The following VPS13C variants were observed in gnomAD, a reference collection of about 807,000 sequenced individuals.
VPS13C encodes the protein intermembrane lipid transfer protein VPS13C.
VPS13C carries 358 observed loss-of-function variants against 456.8 expected under a neutral mutation model. The ratio of observed to expected loss-of-function variants is 0.78; its 90% CI spans 0.72 to 0.86. The LOEUF (loss-of-function observed/expected upper bound fraction) is 0.86. Ranked by LOEUF, VPS13C falls within the 40% of genes least tolerant of loss-of-function variation. The probability of loss-of-function intolerance (pLI) is 0.00; values close to 1 mark genes in which losing one functional copy is unlikely to be tolerated. For synonymous variants in VPS13C, 1,578 were observed against 1,486.7 expected, an observed-to-expected ratio of 1.06 and a Z score of -1.41; for missense variants, 4,818 against 4,385.4, an observed-to-expected ratio of 1.10 and a Z score of -2.79.
At chr15:61,962,341 G>T (rs1292005413) in intron 34 of VPS13C, 30 bp downstream of exon 34, 1 of 1,538,672 alleles carries the variant, frequency 6.5e-7, no homozygotes, top group Non-Finnish European at 8.8e-7. Context: ...TTTCAAAGTT[G>T]AAAAATCAAT....
intron 9 of VPS13C, among the ~76,000 whole-genome samples, chr15:62,019,356 C>T (rs763368414): frequency 1.2e-4 from 18 of 151,948 alleles, no homozygotes; most frequent in African/African-American, 2.7e-4. Flanking sequence ...GCTCTTGCTG[C>T]TCTAGTTCTT....
intron 6 of VPS13C, among the ~76,000 whole-genome samples, chr15:62,024,869 G>A (rs1159860955): frequency 2.6e-5 from 4 of 151,820 alleles, no homozygotes; most frequent in African/African-American, 4.8e-5. Context: ...ATGTCATTCC[G>A]TGAACTTCCG....
At chr15:62,041,625 C>CGG (rs759160866) in intron 2 of VPS13C, among the ~76,000 whole-genome samples, 13 of 152,134 alleles carry the variant, frequency 8.5e-5, no homozygotes, top group Non-Finnish European at 1.5e-4. Context: ...CGAGACCAGC[C>CGG]TGGTCAACAT....
Position 62,012,098 on chromosome 15 carries a change from A to G in VPS13C, c.883+9T>C, listed in dbSNP as rs1275189328. Reference sequence around the variant, plus strand: ...CTATAACATGAAATAAACTTTTACTATTACTTACTGTATTGATAATTTGGG... The same window carrying G: ...CTATAACATGAAATAAACTTTTACTGTTACTTACTGTATTGATAATTTGGG... On this transcript the variant is annotated intron_variant, in intron 12 of 84. Coordinates refer to ENST00000644861, the MANE Select transcript of VPS13C (RefSeq NM_020821.3). 1 of 1,448,476 alleles carries G rather than the reference A, an allele frequency of 6.9e-7. No individual in the cohort carries two copies. 89.7% of individuals were successfully genotyped at this position (1,448,476 alleles called of 1,614,324 possible).
At chr15:62,010,732 C>CA in intron 12 of VPS13C, 133 bp from the exon 13 acceptor site, 1 of 959,858 alleles carries the variant, frequency 1.0e-6, no homozygotes, top group Non-Finnish European at 1.4e-6. Flanking sequence ...AAATCACTAC[C>CA]AAAAAATATT....
chr15:61,981,343 T>C lies in VPS13C; in HGVS notation c.2165A>G (p.Gln722Arg). The C allele has an allele frequency of 1.9e-6, 3 of 1,607,506 alleles. No individual in the cohort carries two copies. The highest frequency in any genetic ancestry group is 8.5e-7 in the Non-Finnish European group (1 of 1,177,906). ...ACAAAAAAACGCATATATACCTACC[T>C]GAAATGTACCAAAATCTAAAATCAG... ...DLLILDFGTFQLNSKDQGLQK... is the reference protein window; with the variant it reads ...DLLILDFGTFRLNSKDQGLQK... Residue 722 changes from glutamine (Q) to arginine (R), a missense_variant and splice_region_variant, in exon 22 of 85, where the codon CAG becomes CGG. By Grantham distance (43) the Gln-to-Arg change is conservative. Transcript: ENST00000644861.
In VPS13C at chr15:61,901,448, A is replaced by G. The variant is rs1285587756; in HGVS notation, c.9105+5816T>C. 3.9e-4 allele frequency among the ~76,000 whole-genome samples: 59 copies of G among 152,116 alleles called. 1 individual carries two copies. The highest frequency in any genetic ancestry group is 9.6e-4 in the East Asian group (5 of 5,186). On this transcript the variant is annotated intron_variant, in intron 66 of 84. Coordinates refer to ENST00000644861, the MANE Select transcript of VPS13C (RefSeq NM_020821.3). ...CAAACAACCCCATCAAAAAGTGGGCAAAGGACATGAACAGACACTTCTCAA... is the reference window on the plus strand; with the variant it reads ...CAAACAACCCCATCAAAAAGTGGGCGAAGGACATGAACAGACACTTCTCAA...
chr15:61,961,794 T>C lies in VPS13C; in HGVS notation c.3703A>G (p.Arg1235Gly). The C allele has an allele frequency of 6.2e-7, 1 of 1,614,026 alleles. No homozygotes were observed. The highest frequency in any genetic ancestry group is 2.2e-5 in the East Asian group (1 of 44,862). Residue 1235 changes from arginine (R) to glycine (G), a missense_variant, in exon 35 of 85, where the codon AGG becomes GGG. Physicochemically the swap from Arg to Gly is moderately radical, Grantham distance 125. Around this residue, in one of 3 missense-constraint regions of VPS13C, gnomAD observed 4,552 missense variants for 4,130.6 expected, o/e 1.10. Transcript: ENST00000644861. ...ATATTGATGGAAACACGAAAACTCC[T>C]CTGGGCAAGATCTTTCACACTTGTG... ...AATSVKDLAQRSFRVSINIDL... is the reference protein window; with the variant it reads ...AATSVKDLAQGSFRVSINIDL...
chr15:61,990,755 G>A (rs1169428491), intron 18 of VPS13C, among the ~76,000 whole-genome samples: 3 of 152,158 alleles, frequency 2.0e-5, no homozygotes, highest in Non-Finnish European at 4.4e-5. Context: ...AGGTTGCAGT[G>A]AGCCAAGATC....
At chr15:61,922,151 C>T (rs1481721058) in intron 54 of VPS13C, 118 bp from the exon 55 acceptor site, 5 of 1,143,036 alleles carry the variant, frequency 4.4e-6, no homozygotes, top group Admixed American at 4.4e-5. Context: ...TTTTCAAAAC[C>T]CATCTAACAA....
At position 61,940,630 on chromosome 15, in the gene VPS13C, A is replaced by C. The variant is rs758391756; in HGVS notation, c.5601+17T>G. 6.2e-7 allele frequency: 1 copy of C among 1,607,998 alleles called. No homozygotes were observed. Among genetic ancestry groups the C allele is most frequent in the South Asian group, 1.1e-5 (1 of 89,232 alleles). On this transcript the variant is annotated intron_variant, in intron 47 of 84. Coordinates refer to ENST00000644861, the MANE Select transcript of VPS13C (RefSeq NM_020821.3). ...GCCTATCAAGAAATTTTCATATATT[A>C]TATACTAGCTACTTACCTGCATAGG...
chr15:61,977,308 G>C (rs2045734034), intron 23 of VPS13C, 109 bp from the exon 24 acceptor site: 1 of 680,194 alleles, frequency 1.5e-6, no homozygotes, highest in Non-Finnish European at 2.3e-6. Flanking sequence ...ACATTCTATG[G>C]AAAATCACTA....
chr15:61,907,627 T>G (rs2043188142), intron 65 of VPS13C, among the ~76,000 whole-genome samples: 1 of 152,170 alleles, frequency 6.6e-6, no homozygotes, highest in East Asian at 1.9e-4. Context: ...TTGATCCAAG[T>G]GGAATCATAG....
chr15:61,873,327 C>CG lies in VPS13C; in HGVS notation c.10496_10497insC (p.Gln3499HisfsTer55). The CG allele has an allele frequency of 6.2e-7, 1 of 1,613,620 alleles. No homozygotes were observed. Among genetic ancestry groups the CG allele is most frequent in the Non-Finnish European group, 8.5e-7 (1 of 1,179,698 alleles). On this transcript the variant is annotated frameshift_variant, in exon 78 of 85. Transcript: ENST00000644861. LOFTEE classifies it high-confidence loss of function. ...GACTCAACTCTTCTCTTCTTTTTTG[C>CG]TGATATTCCTTGTCCATTGTAATTG...
chr15:61,909,036 C>T lies in VPS13C; in HGVS notation c.8934G>A (p.Leu2978=). The T allele has an allele frequency of 6.2e-7, 1 of 1,613,712 alleles. No homozygotes were observed. Among genetic ancestry groups the T allele is most frequent in the Non-Finnish European group, 8.5e-7 (1 of 1,179,938 alleles). ...TGTCCCATGGTGTATGGTTCATTAT[C>T]AAGGCAGGTGCAGATCCCTCATGGT... ...SDYHEGSAPA[L]IMNHTPWDIL... Residue 2978 remains leucine (L), a synonymous_variant, in exon 65 of 85, where the codon TTG becomes TTA. Coordinates refer to ENST00000644861, the MANE Select transcript of VPS13C (RefSeq NM_020821.3).
At chr15:62,037,249 ATATTTATATATATTATAT>A (rs2048044452) in intron 3 of VPS13C, among the ~76,000 whole-genome samples, 1 of 25,030 alleles carries the variant, frequency 4.0e-5, no homozygotes, top group South Asian at 7.4e-4. Flanking sequence ...TATATATAAT[ATATTTATATATATTATAT>A]TATATAATAT....
At chr15:61,938,486 A>G (rs1461680755) in intron 47 of VPS13C, among the ~76,000 whole-genome samples, 2 of 152,198 alleles carry the variant, frequency 1.3e-5, no homozygotes, top group East Asian at 3.9e-4. Context: ...ACAGACTATG[A>G]CCAAAGGGGG....
Position 62,013,989 on chromosome 15 carries a change from C to T in VPS13C, c.688G>A (p.Ala230Thr). The T allele has an allele frequency of 1.2e-6, 2 of 1,608,518 alleles. No individual in the cohort carries two copies. Residue 230 changes from alanine (A) to threonine (T), a missense_variant, in exon 10 of 85, where the codon GCA becomes ACA. This residue lies in a region of VPS13C where 4,552 missense variants were observed against 4,130.6 expected (regional missense o/e 1.10). Coordinates refer to ENST00000644861, the MANE Select transcript of VPS13C (RefSeq NM_020821.3). ...VTLGELSLLT[A>T]NEHWTPCILN... ...ATGCATGGAGTCCAGTGTTCATTTG[C>T]AGTCTAAAAGAAAAAAGGGAATACC...
intron 57 of VPS13C, 38 bp from the exon 58 acceptor site, chr15:61,919,487 A>G: frequency 6.9e-7 from 1 of 1,456,830 alleles, no homozygotes; most frequent in South Asian, 1.5e-5. Context: ...TCCAAATATT[A>G]ATTTGCCAAT....
Sources: gnomAD v4.1 joint callset for allele counts (sites outside exome capture counted in the v4.1 genomes callset) on GRCh38, gnomAD v4.1.1 for gene constraint, gnomAD v4.1.1 regional missense constraint, MANE v1.5 for transcripts, NCBI Gene and HGNC (gene_info 2026-07-23, HGNC 2026-07-21) for gene names.